RARB: variants seen among roughly 807,000 people sequenced by gnomAD.
RARB encodes the protein retinoic acid receptor beta.
RARB carries 17 observed loss-of-function variants against 51.9 expected under a neutral mutation model. The ratio of observed to expected loss-of-function variants is 0.33; its 90% CI spans 0.22 to 0.49. The LOEUF (loss-of-function observed/expected upper bound fraction) is 0.49. RARB is among the 20% of genes least tolerant of loss of function. The probability of loss-of-function intolerance (pLI) is 0.99; values close to 1 mark genes in which losing one functional copy is unlikely to be tolerated. For missense variants in RARB, 369 were observed against 550.8 expected, an observed-to-expected ratio of 0.67 and a Z score of 3.30; for synonymous variants, 215 against 195.4, an observed-to-expected ratio of 1.10 and a Z score of -0.84.
At chr3:25,485,660 A>G (rs1457520151) in intron 2 of RARB, among the ~76,000 whole-genome samples, 1 of 152,204 alleles carries the variant, frequency 6.6e-6, no homozygotes, top group Non-Finnish European at 1.5e-5. Flanking sequence ...ATCATCTTAC[A>G]GACATTAGCA....
intron 2 of RARB, among the ~76,000 whole-genome samples, chr3:24,935,065 C>T (rs932344191): frequency 1.3e-5 from 2 of 152,020 alleles, no homozygotes; most frequent in Non-Finnish European, 2.9e-5. Flanking sequence ...GTATGTTTTC[C>T]AGGGGTGGAT....
chr3:25,136,889 AT>A (rs1700038784), intron 4 of RARB, among the ~76,000 whole-genome samples: 1 of 152,038 alleles, frequency 6.6e-6, no homozygotes, highest in Non-Finnish European at 1.5e-5. Context: ...AGGAATACAT[AT>A]TTGGCAAGTT....
chr3:25,563,572 A>G (rs776708312), intron 3 of RARB, among the ~76,000 whole-genome samples: 1 of 152,244 alleles, frequency 6.6e-6, no homozygotes, highest in Non-Finnish European at 1.5e-5. Context: ...AAATGCTTGA[A>G]TTAAATCCTT....
intron 5 of RARB, among the ~76,000 whole-genome samples, chr3:25,289,910 A>T (rs1251602150): frequency 6.6e-6 from 1 of 152,158 alleles, no homozygotes; most frequent in African/African-American, 2.4e-5. Context: ...GCTACCAGGA[A>T]TTCCTAGTGG....
At chr3:25,383,656 G>T (rs149261423) in intron 5 of RARB, among the ~76,000 whole-genome samples, 2 of 152,084 alleles carry the variant, frequency 1.3e-5, no homozygotes, top group East Asian at 1.9e-4. Context: ...GGCTGGGCAC[G>T]GTGGCTCACG....
chr3:25,203,613 G>T lies in RARB; in HGVS notation c.178+29038G>T, dbSNP rs537756946. 2.5e-3 allele frequency among the ~76,000 whole-genome samples: 377 copies of T among 152,256 alleles called. 1 individual carries two copies. Among genetic ancestry groups the T allele is most frequent in the Admixed American group, 5.2e-3 (80 of 15,294 alleles). ...TTTAGTGCTTCCTTCAGGAGCTCTT[G>T]TAGGGCAGGCCTGGTGGTGACAAAA... On this transcript the variant is annotated intron_variant, in intron 5 of 11. Transcript: ENST00000383772.
At chr3:25,491,665 G>A (rs1696744281) in intron 2 of RARB, among the ~76,000 whole-genome samples, 1 of 152,220 alleles carries the variant, frequency 6.6e-6, no homozygotes, top group Non-Finnish European at 1.5e-5. Context: ...GGCTGGGCGT[G>A]CGTGGTACCT....
intron 2 of RARB, among the ~76,000 whole-genome samples, chr3:24,925,291 A>T (rs1235139073): frequency 1.3e-5 from 2 of 152,110 alleles, no homozygotes; most frequent in African/African-American, 4.8e-5. Flanking sequence ...AAACTCCATT[A>T]TTCACAACTA....
Position 24,953,905 on chromosome 3 carries a change from C to T in RARB, c.-380+95153C>T, listed in dbSNP as rs906017629. On this transcript the variant is annotated intron_variant, in intron 2 of 11. Coordinates refer to the RARB transcript ENST00000383772. ...CAGTGCTAGAGGGCAAAACAGTGGA[C>T]ACAGGACCACTAGGGTTTCTTTATT... is the stretch of plus-strand genomic sequence containing the variant. 2.6e-5 allele frequency among the ~76,000 whole-genome samples: 4 copies of T among 152,302 alleles called. No homozygotes were observed. The East Asian group carries it at 7.7e-4, about 29-fold the overall frequency.
intron 2 of RARB, among the ~76,000 whole-genome samples, chr3:24,960,632 C>G (rs910032886): frequency 1.1e-4 from 16 of 152,158 alleles, no homozygotes; most frequent in Admixed American, 1.0e-3. Flanking sequence ...TCTATTCCTT[C>G]TGATTAAAAC....
chr3:24,844,963 C>T (rs1234986675), intron 1 of RARB, among the ~76,000 whole-genome samples: 2 of 152,308 alleles, frequency 1.3e-5, no homozygotes, highest in African/African-American at 2.4e-5. Flanking sequence ...TCTTCCTCTT[C>T]AGCAAACTCC....
chr3:25,501,756 A>G (rs1697326079), intron 3 of RARB, among the ~76,000 whole-genome samples: 1 of 152,242 alleles, frequency 6.6e-6, no homozygotes, highest in Admixed American at 6.5e-5. Flanking sequence ...GAAGGATTGT[A>G]TAACTTGTGG....
chr3:25,305,730 A>G (rs1419401934), intron 5 of RARB, among the ~76,000 whole-genome samples: 1 of 152,202 alleles, frequency 6.6e-6, no homozygotes, highest in Non-Finnish European at 1.5e-5. Context: ...TGAAGAGCAG[A>G]AAGAGCTTGG....
Position 25,444,065 on chromosome 3 carries a change from C to G in RARB, c.157+15177C>G, listed in dbSNP as rs34917559. The stretch of plus-strand genomic sequence containing the variant: ...GATTTTTATTAAAGTAAAACAATCA[C>G]TATCATAATTAATATTTATTAAGTG... On this transcript the variant is annotated intron_variant, in intron 1 of 7. Transcript: ENST00000330688. Among the ~76,000 whole-genome samples, 635 of 152,322 alleles carry G rather than the reference C, an allele frequency of 4.2e-3. 3 individuals are homozygous for G. The highest frequency in any genetic ancestry group is 9.1e-3 in the South Asian group (44 of 4,828).
At chr3:25,336,586 G>C (rs114212900) in intron 5 of RARB, among the ~76,000 whole-genome samples, 4,671 of 152,228 alleles carry the variant, frequency 0.031, 160 homozygotes, top group African/African-American at 0.09. Flanking sequence ...AAGTATTTCA[G>C]CTTTGGAGCG....
chr3:24,955,613 G>A lies in RARB; in HGVS notation c.-380+96861G>A, dbSNP rs182461863. 3.6e-3 allele frequency among the ~76,000 whole-genome samples: 554 copies of A among 152,252 alleles called. 7 individuals are homozygous for A. Among genetic ancestry groups the A allele is most frequent in the Non-Finnish European group, 6.3e-4 (43 of 68,024 alleles). ...AAAAGGCAGATTAATAGGAGAAAAG[G>A]CATATAAAATTTTATTTCCATGTGG... On this transcript the variant is annotated intron_variant, in intron 2 of 11. Coordinates refer to the RARB transcript ENST00000383772.
At chr3:24,879,742 C>T (rs1247704269) in intron 2 of RARB, among the ~76,000 whole-genome samples, 1 of 152,092 alleles carries the variant, frequency 6.6e-6, no homozygotes, top group Non-Finnish European at 1.5e-5. Flanking sequence ...ATACTGTAAA[C>T]CTGTGTGAGG....
intron 4 of RARB, 88 bp from the exon 5 acceptor site, chr3:25,580,458 C>A (rs1488243578): frequency 7.9e-7 from 1 of 1,258,436 alleles, no homozygotes; most frequent in Non-Finnish European, 1.1e-6. Flanking sequence ...TGACATGTCA[C>A]CCCCTCTAAT....
chr3:25,244,827 T>C (rs116094662), intron 5 of RARB, among the ~76,000 whole-genome samples: 2,603 of 152,134 alleles, frequency 0.017, 54 homozygotes, highest in Middle Eastern at 0.034. Context: ...GTCTATTAGG[T>C]CTTCTTGGTC....
Sources: gnomAD v4.1 joint callset for allele counts (sites outside exome capture counted in the v4.1 genomes callset) on GRCh38, gnomAD v4.1.1 for gene constraint, MANE v1.5 for transcripts, NCBI Gene and HGNC (gene_info 2026-07-23, HGNC 2026-07-21) for gene names.